ERBB4: variants seen among roughly 807,000 people sequenced by gnomAD.
The protein encoded by ERBB4 is receptor tyrosine-protein kinase erbB-4.
In ERBB4, 42 loss-of-function variants were observed where a neutral mutation model predicts 158.0. That is an observed-to-expected ratio of 0.27 (90% CI 0.21 to 0.34). ERBB4 has a LOEUF of 0.34. Ranked by LOEUF, ERBB4 falls within the 10% of genes least tolerant of loss-of-function variation. ERBB4 has a pLI of 1.00. For missense variants in ERBB4, 1,333 were observed against 1,624.1 expected (o/e 0.82, Z 3.08); for synonymous variants, 583 against 558.7 (o/e 1.04, Z -0.61).
At chr2:212,390,203 C>A (rs1560190697) in intron 1 of ERBB4, among the ~76,000 whole-genome samples, 1 of 151,586 alleles carries the variant, frequency 6.6e-6, no homozygotes, top group Non-Finnish European at 1.5e-5. Flanking sequence ...GTAGTCATAC[C>A]ACAAAAGAAA....
At chr2:211,521,479 C>A (rs959896251) in intron 20 of ERBB4, among the ~76,000 whole-genome samples, 5 of 152,120 alleles carry the variant, frequency 3.3e-5, no homozygotes, top group African/African-American at 1.2e-4. Context: ...AAGAAGGCAT[C>A]TCCATAACAT....
chr2:212,071,198 A>G (rs562279460), intron 2 of ERBB4, among the ~76,000 whole-genome samples: 110 of 152,088 alleles, frequency 7.2e-4, no homozygotes, highest in African/African-American at 2.6e-3. Flanking sequence ...GATATAAAGC[A>G]CTTGATATAA....
chr2:212,459,704 C>G (rs917330807), intron 1 of ERBB4, among the ~76,000 whole-genome samples: 3 of 152,226 alleles, frequency 2.0e-5, no homozygotes, highest in African/African-American at 7.2e-5. Context: ...TACAAAGCTG[C>G]AGTATCCAAC....
intron 9 of ERBB4, among the ~76,000 whole-genome samples, chr2:211,706,601 C>CAAAAAAAAAAAAA (rs201615846): frequency 1.1e-5 from 1 of 94,468 alleles, no homozygotes; most frequent in Non-Finnish European, 2.3e-5. Flanking sequence ...CTTAAAAAAA[C>CAAAAAAAAAAAAA]AAAAAAAAAA....
intron 2 of ERBB4, among the ~76,000 whole-genome samples, chr2:212,113,664 G>C (rs1014443752): frequency 7.3e-5 from 11 of 150,884 alleles, no homozygotes; most frequent in African/African-American, 2.7e-4. Flanking sequence ...GCAGGTCAGA[G>C]AAGGAGAAAG....
At chr2:211,800,785 TA>T (rs1295156419) in intron 3 of ERBB4, among the ~76,000 whole-genome samples, 1 of 151,020 alleles carries the variant, frequency 6.6e-6, no homozygotes, top group Non-Finnish European at 1.5e-5. Context: ...GGCAGCACAA[TA>T]AAAAACTTCA....
At chr2:211,890,610 C>A (rs1482929230) in intron 3 of ERBB4, among the ~76,000 whole-genome samples, 2 of 142,806 alleles carry the variant, frequency 1.4e-5, no homozygotes, top group Non-Finnish European at 3.1e-5. Flanking sequence ...CACAGACTGG[C>A]AAATTGGATA....
At chr2:211,669,342 C>T (rs970878197) in intron 14 of ERBB4, among the ~76,000 whole-genome samples, 3 of 151,504 alleles carry the variant, frequency 2.0e-5, no homozygotes, top group Non-Finnish European at 4.4e-5. Context: ...TTTGTTACAG[C>T]AGCACAACCT....
chr2:212,003,193 GAA>G (rs1463531838), intron 2 of ERBB4, among the ~76,000 whole-genome samples: 2 of 64,446 alleles, frequency 3.1e-5, no homozygotes, highest in Non-Finnish European at 7.8e-5. Flanking sequence ...AAGAAAGAAA[GAA>G]AGAAAGAAAG....
chr2:212,016,052 T>C (rs2076522314), intron 2 of ERBB4, among the ~76,000 whole-genome samples: 2 of 151,790 alleles, frequency 1.3e-5, no homozygotes. Flanking sequence ...CATTGGTGCA[T>C]TGGCTGCCAG....
At chr2:211,407,071 C>T (rs2063162325) in intron 25 of ERBB4, among the ~76,000 whole-genome samples, 1 of 151,998 alleles carries the variant, frequency 6.6e-6, no homozygotes, top group African/African-American at 2.4e-5. Context: ...CAGAGCAAGA[C>T]TCTGTCTCAA....
At position 211,450,985 on chromosome 2, in the gene ERBB4, A is replaced by G. The variant is rs138487663; in HGVS notation, c.2488-19885T>C. ...GATAATCAATATTTACTAAAGGAAT[A>G]AGTGCATGAACATGAAGGCTGTCAG... is the stretch of plus-strand genomic sequence containing the variant. On this transcript the variant is annotated intron_variant, in intron 20 of 27. Transcript: ENST00000342788. Among the ~76,000 whole-genome samples, 717 of 152,354 alleles carry G rather than the reference A, an allele frequency of 4.7e-3. 4 individuals are homozygous for G. The highest frequency in any genetic ancestry group is 0.016 in the African/African-American group (685 of 41,578).
intron 1 of ERBB4, among the ~76,000 whole-genome samples, chr2:212,332,168 G>T (rs116025331): frequency 0.022 from 3,295 of 152,036 alleles, 63 homozygotes; most frequent in South Asian, 0.061. Flanking sequence ...TGAAATATGG[G>T]GGCAAGTCTT....
intron 2 of ERBB4, among the ~76,000 whole-genome samples, chr2:211,984,117 G>A (rs2081875315): frequency 6.6e-6 from 1 of 152,122 alleles, no homozygotes; most frequent in South Asian, 2.1e-4. Context: ...GGCTGCTTGA[G>A]GGCTTGCTTT....
intron 26 of ERBB4, among the ~76,000 whole-genome samples, chr2:211,387,597 G>A (rs945316332): frequency 1.3e-5 from 2 of 152,070 alleles, no homozygotes; most frequent in African/African-American, 4.8e-5. Context: ...TTATGAATTT[G>A]AGGCTCTAGT....
At chr2:211,505,321 GA>G (rs74269733) in intron 20 of ERBB4, among the ~76,000 whole-genome samples, 39,295 of 149,436 alleles carry the variant, frequency 0.26, 5,296 homozygotes, top group East Asian at 0.39. Flanking sequence ...AAAGAAAAAA[GA>G]AAAAAAAAAT....
chr2:211,391,053 T>C (rs908484765), intron 25 of ERBB4, among the ~76,000 whole-genome samples: 3 of 152,204 alleles, frequency 2.0e-5, no homozygotes, highest in Non-Finnish European at 2.9e-5. Context: ...ATAATTGTTG[T>C]TTAAATATAT....
chr2:212,162,927 C>A (rs529012067), intron 1 of ERBB4, among the ~76,000 whole-genome samples: 8 of 151,870 alleles, frequency 5.3e-5, no homozygotes, highest in Non-Finnish European at 1.0e-4. Flanking sequence ...TTAAGTAGTT[C>A]TCTTGGTCTT....
chr2:212,116,715 T>G (rs892292759), intron 2 of ERBB4, among the ~76,000 whole-genome samples: 1 of 152,200 alleles, frequency 6.6e-6, no homozygotes, highest in African/African-American at 2.4e-5. Flanking sequence ...GGATTACAGG[T>G]GTGAGTCACA....
Sources: allele counts gnomAD v4.1 joint callset (sites outside exome capture counted in the v4.1 genomes callset), GRCh38; gene constraint gnomAD v4.1.1; transcripts MANE v1.5; gene names NCBI Gene and HGNC (gene_info 2026-07-23, HGNC 2026-07-21).